DOCK4: variants seen among roughly 807,000 people sequenced by gnomAD.
DOCK4 encodes the protein dedicator of cytokinesis protein 4.
Under a neutral mutation model 268.1 loss-of-function variants are expected in DOCK4, and 97 were observed. That is an observed-to-expected ratio of 0.36 (90% CI 0.31 to 0.43). The LOEUF (loss-of-function observed/expected upper bound fraction) is 0.43, where lower values mean the gene tolerates loss of function less well. Ranked by LOEUF, DOCK4 falls within the 20% of genes least tolerant of loss-of-function variation. The probability of loss-of-function intolerance (pLI) is 1.00; values close to 1 mark genes in which losing one functional copy is unlikely to be tolerated. For synonymous variants in DOCK4, 954 were observed against 887.2 expected, an observed-to-expected ratio of 1.08 and a Z score of -1.34; for missense variants, 2,145 against 2,455.7, an observed-to-expected ratio of 0.87 and a Z score of 2.67.
intron 17 of DOCK4, among the ~76,000 whole-genome samples, 180 bp from the exon 18 acceptor site, chr7:111,872,744 TTC>T (rs1472798802): frequency 6.6e-6 from 1 of 152,206 alleles, no homozygotes; most frequent in Non-Finnish European, 1.5e-5. Flanking sequence ...TTTCACTGTA[TTC>T]TGTTTCCTCT....
intron 25 of DOCK4, among the ~76,000 whole-genome samples, chr7:111,843,225 G>C (rs1426762624): frequency 6.6e-6 from 1 of 152,020 alleles, no homozygotes; most frequent in Non-Finnish European, 1.5e-5. Context: ...TCAAAAGCTT[G>C]AACTATAAAA....
intron 25 of DOCK4, among the ~76,000 whole-genome samples, chr7:111,836,444 G>C (rs2134036023): frequency 6.6e-6 from 1 of 151,986 alleles, no homozygotes; most frequent in East Asian, 1.9e-4. Context: ...AAATCCACCT[G>C]TCAACAATGT....
In DOCK4 at chr7:112,206,385, T is replaced by C. The variant is rs1821413353; in HGVS notation, c.-247A>G. The C allele has an allele frequency of 3.4e-6, 2 of 585,454 alleles. No homozygotes were observed. Among genetic ancestry groups the C allele is most frequent in the Admixed American group, 3.1e-5 (1 of 31,788 alleles). 36.3% of individuals were successfully genotyped at this position (585,454 alleles called of 1,614,324 possible). On this transcript the variant is annotated 5_prime_UTR_variant, in exon 1 of 53. Coordinates refer to ENST00000428084, the MANE Select transcript of DOCK4 (RefSeq NM_001363540.2). ...CGCTCCCGGGTACCCGGCGGCGCAG[T>C]CATTGTTCTGATTCACTGAACTAAG...
At chr7:112,023,756 T>A in intron 1 of DOCK4, 1 of 296,836 alleles carries the variant, frequency 3.4e-6, no homozygotes, top group Admixed American at 4.2e-5. Context: ...TTCTGCAACT[T>A]GAAAATCCAT....
At chr7:112,202,167 T>C (rs1821004247) in intron 1 of DOCK4, among the ~76,000 whole-genome samples, 1 of 152,248 alleles carries the variant, frequency 6.6e-6, no homozygotes, top group South Asian at 2.1e-4. Flanking sequence ...CAGATATTTC[T>C]TCAGCATACT....
intron 6 of DOCK4, 78 bp downstream of exon 6, chr7:111,988,937 A>G: frequency 6.6e-7 from 1 of 1,518,388 alleles, no homozygotes; most frequent in East Asian, 2.5e-5. Flanking sequence ...CAGTGACATT[A>G]CCACGTTCTG....
chr7:112,031,586 C>T (rs1476163591), intron 1 of DOCK4, among the ~76,000 whole-genome samples: 8 of 152,200 alleles, frequency 5.3e-5, no homozygotes, highest in African/African-American at 4.8e-5. Context: ...AATCAAGTTC[C>T]AGCCTCTTCC....
chr7:112,053,282 A>G (rs1456522236), intron 1 of DOCK4, among the ~76,000 whole-genome samples: 1 of 152,194 alleles, frequency 6.6e-6, no homozygotes, highest in Non-Finnish European at 1.5e-5. Context: ...AGGTAAGGAC[A>G]AGCAAGGTGC....
rs1414192643 is a variant in DOCK4, at chr7:111,811,912, G to A, written c.2968C>T (p.Leu990Phe). 1 of 1,529,700 alleles carries A rather than the reference G, an allele frequency of 6.5e-7. No homozygotes were observed. Among genetic ancestry groups the A allele is most frequent in the Non-Finnish European group, 8.9e-7 (1 of 1,129,296 alleles). The allele number at this position is 1,529,700 out of a possible 1,614,324, so 94.8% of individuals were successfully genotyped here. Residue 990 changes from leucine (L) to phenylalanine (F), a missense_variant, in exon 28 of 53, where the codon CTT (leucine) becomes TTT (phenylalanine). Leu to Phe is a conservative substitution (Grantham distance 22). Around this residue, in one of 2 missense-constraint regions of DOCK4, gnomAD observed 1,598 missense variants for 1,986.7 expected, o/e 0.80. Transcript: ENST00000428084. ...TTTTCATTTAAGAAGTTCTTACGAA[G>A]TGCATCTGAGAGGTATAGAACTGTT... ...ITTVLYLSDA[L>F]RKNFLNENFD...
chr7:112,028,817 T>C (rs1197743565), intron 1 of DOCK4, among the ~76,000 whole-genome samples: 1 of 152,176 alleles, frequency 6.6e-6, no homozygotes, highest in East Asian at 1.9e-4. Context: ...CTTTGTCCAT[T>C]TCTCTCTCAG....
At chr7:111,942,733 T>C (rs534400659) in intron 10 of DOCK4, among the ~76,000 whole-genome samples, 8 of 152,252 alleles carry the variant, frequency 5.3e-5, no homozygotes, top group Non-Finnish European at 1.2e-4. Context: ...ACTCCTGCTC[T>C]TTTCAACATA....
At chr7:112,122,565 C>A (rs867027679) in intron 1 of DOCK4, among the ~76,000 whole-genome samples, 5 of 152,164 alleles carry the variant, frequency 3.3e-5, no homozygotes, top group Non-Finnish European at 7.3e-5. Flanking sequence ...GCCACCACGC[C>A]CAGCCAAGAC....
At chr7:112,030,318 G>A (rs1803163944) in intron 1 of DOCK4, among the ~76,000 whole-genome samples, 1 of 152,178 alleles carries the variant, frequency 6.6e-6, no homozygotes, top group Non-Finnish European at 1.5e-5. Flanking sequence ...ACATTCAACT[G>A]TACAAACAAA....
chr7:111,985,928 AT>A (rs1476923807), intron 6 of DOCK4, among the ~76,000 whole-genome samples: 2 of 152,236 alleles, frequency 1.3e-5, no homozygotes, highest in Non-Finnish European at 2.9e-5. Context: ...GATGAAGATC[AT>A]TTAGCAAATG....
At position 111,782,870 on chromosome 7, in the gene DOCK4, G is replaced by C. The variant is rs1235169081; in HGVS notation, c.3579C>G (p.Ser1193Arg). 6.8e-6 allele frequency: 11 copies of C among 1,613,538 alleles called. No homozygotes were observed. The highest frequency in any genetic ancestry group is 1.3e-5 in the African/African-American group (1 of 74,986). ...AGGGGAATAGTTTACTAACCAGAAG[G>C]CTAACTGTGCAGCCAATCTTTTTGC... Reference protein sequence around the residue: ...VDGKKIGCTVSLLNFYKTELN... With the variant: ...VDGKKIGCTVRLLNFYKTELN... The change falls in exon 35 of 53, where the codon AGC (serine) becomes AGG (arginine). Residue 1193 changes from serine to arginine, a missense_variant. Around this residue, in one of 2 missense-constraint regions of DOCK4, gnomAD observed 1,598 missense variants for 1,986.7 expected, o/e 0.80. Transcript: ENST00000428084.
At chr7:111,874,309 G>A (rs1026759141) in intron 17 of DOCK4, among the ~76,000 whole-genome samples, 7 of 152,170 alleles carry the variant, frequency 4.6e-5, no homozygotes, top group Non-Finnish European at 8.8e-5. Context: ...AATGTGAGGA[G>A]TGTGGGGAGG....
chr7:112,010,955 G>A lies in DOCK4; in HGVS notation c.38-6824C>T, dbSNP rs1017634868. Among the ~76,000 whole-genome samples, 11 of 152,194 alleles carry A rather than the reference G, an allele frequency of 7.2e-5. No individual in the cohort carries two copies. The East Asian group carries it at 2.1e-3, about 29-fold the overall frequency. On this transcript the variant is annotated intron_variant, in intron 1 of 52. Transcript: ENST00000428084. The stretch of plus-strand genomic sequence containing the variant: ...AAGGCAAAGCATGGTGGTAGGTACT[G>A]TGATGCCCCTCCCAGATCCTTCTTT...
intron 39 of DOCK4, among the ~76,000 whole-genome samples, chr7:111,764,042 T>C (rs926325552): frequency 2.0e-5 from 3 of 152,198 alleles, no homozygotes; most frequent in African/African-American, 7.2e-5. Context: ...CAGGCCCACC[T>C]GCAAAGTCAG....
chr7:111,980,676 T>C lies in DOCK4; in HGVS notation c.550-3393A>G, dbSNP rs565332836. On this transcript the variant is annotated intron_variant, in intron 7 of 52. Transcript: ENST00000428084. The stretch of plus-strand genomic sequence containing the variant: ...CTTTTCCTAGCCTCTACCTACCAGA[T>C]GCCAATAGTACCTCTCCTTCCCATC... Among the ~76,000 whole-genome samples the C allele has an allele frequency of 1.0e-3, 153 of 152,326 alleles. 2 individuals are homozygous for C. In the South Asian group the frequency reaches 0.015, roughly 15 times the overall value.
Sources: gnomAD v4.1 joint callset for allele counts (sites outside exome capture counted in the v4.1 genomes callset) on GRCh38, gnomAD v4.1.1 for gene constraint, gnomAD v4.1.1 regional missense constraint, MANE v1.5 for transcripts, NCBI Gene and HGNC (gene_info 2026-07-23, HGNC 2026-07-21) for gene names.